Variants in MAD1L1 observed in about 807,000 individuals in gnomAD.
MAD1L1 encodes the protein mitotic arrest deficient 1 like 1.
A neutral mutation model predicts 96.9 loss-of-function variants in MAD1L1; 95 were observed. The observed-to-expected ratio is 0.98, with a 90% CI of 0.83 to 1.16. MAD1L1 has a LOEUF of 1.16. Ranked by LOEUF, MAD1L1 falls within the 50% of genes most tolerant of loss-of-function variation. The pLI is 0.00. For synonymous variants in MAD1L1, 473 were observed against 396.6 expected (o/e 1.19, Z -2.29); for missense variants, 1,007 against 954.4 (o/e 1.06, Z -0.73).
chr7:1,958,953 CA>C (rs948781614), intron 15 of MAD1L1, among the ~76,000 whole-genome samples: 4 of 152,234 alleles, frequency 2.6e-5, no homozygotes, highest in African/African-American at 4.8e-5. Flanking sequence ...TAGAAACTAT[CA>C]AAAACAAAAC....
intron 18 of MAD1L1, among the ~76,000 whole-genome samples, chr7:1,862,742 G>C (rs1029439372): frequency 2.0e-5 from 3 of 152,108 alleles, no homozygotes; most frequent in Admixed American, 2.0e-4. Flanking sequence ...CAGTGAAAAA[G>C]GAAGCTTTAC....
At chr7:2,168,812 G>A (rs776030131) in intron 10 of MAD1L1, among the ~76,000 whole-genome samples, 36 of 152,226 alleles carry the variant, frequency 2.4e-4, no homozygotes, top group African/African-American at 6.5e-4. Context: ...GCAGACACAC[G>A]GGGCGTGGGG....
rs1360167583 is a variant in MAD1L1, at chr7:2,049,918, T to C, written c.1218+19276A>G. On this transcript the variant is annotated intron_variant, in intron 12 of 18. Transcript: ENST00000265854. ...TTCACAGGGCACCTCACCCAACATC[T>C]GCGGACACCAGACCACACGTTCACA... 2.7e-5 allele frequency among the ~76,000 whole-genome samples: 4 copies of C among 147,676 alleles called. No homozygotes were observed. In the East Asian group the frequency reaches 8.0e-4, roughly 30 times the overall value.
intron 10 of MAD1L1, among the ~76,000 whole-genome samples, chr7:2,167,730 T>G (rs1159755405): frequency 6.9e-6 from 1 of 143,902 alleles, no homozygotes; most frequent in African/African-American, 2.6e-5. Context: ...TTAAAAAAAT[T>G]AAAAAAAAAA....
chr7:2,206,132 C>CA (rs1306209620), intron 10 of MAD1L1, among the ~76,000 whole-genome samples: 2 of 151,882 alleles, frequency 1.3e-5, no homozygotes, highest in African/African-American at 4.8e-5. Context: ...ATTCCATCTC[C>CA]AAAAAAATAA....
At chr7:2,101,695 C>A (rs1786788971) in intron 11 of MAD1L1, among the ~76,000 whole-genome samples, 1 of 152,214 alleles carries the variant, frequency 6.6e-6, no homozygotes, top group South Asian at 2.1e-4. Flanking sequence ...ACGCTTCTTC[C>A]CTCAACTTAC....
chr7:2,072,155 C>G (rs1368156869), intron 11 of MAD1L1, among the ~76,000 whole-genome samples: 1 of 152,224 alleles, frequency 6.6e-6, no homozygotes, highest in Non-Finnish European at 1.5e-5. Flanking sequence ...GGACTGAGCC[C>G]TCACCCAGGG....
chr7:2,190,481 T>A (rs961898908), intron 10 of MAD1L1, among the ~76,000 whole-genome samples: 1 of 152,012 alleles, frequency 6.6e-6, no homozygotes, highest in Admixed American at 6.6e-5. Context: ...CTTAGCAAAA[T>A]TAAAAGTTTT....
intron 18 of MAD1L1, among the ~76,000 whole-genome samples, chr7:1,855,466 G>A (rs949787238): frequency 6.6e-6 from 1 of 151,948 alleles, no homozygotes; most frequent in Non-Finnish European, 1.5e-5. Flanking sequence ...GCACCTCAAC[G>A]CCTGGCCTGG....
At chr7:2,054,022 T>C (rs1451867478) in intron 12 of MAD1L1, among the ~76,000 whole-genome samples, 4 of 152,242 alleles carry the variant, frequency 2.6e-5, no homozygotes, top group African/African-American at 9.6e-5. Flanking sequence ...GGGTCAGGGC[T>C]GCACCCGGGT....
intron 18 of MAD1L1, among the ~76,000 whole-genome samples, chr7:1,822,286 G>A (rs891655332): frequency 5.9e-5 from 9 of 151,906 alleles, no homozygotes; most frequent in African/African-American, 1.9e-4. Flanking sequence ...AGAAAGTTAG[G>A]AAATACTGAT....
At chr7:2,081,894 G>A (rs1473580917) in intron 11 of MAD1L1, among the ~76,000 whole-genome samples, 1 of 152,242 alleles carries the variant, frequency 6.6e-6, no homozygotes, top group Non-Finnish European at 1.5e-5. Flanking sequence ...CCCCTGGGGA[G>A]ACAGCAGGGC....
intron 17 of MAD1L1, among the ~76,000 whole-genome samples, chr7:1,913,610 G>T (rs1788161410): frequency 6.6e-6 from 1 of 152,136 alleles, no homozygotes; most frequent in Non-Finnish European, 1.5e-5. Context: ...CTCTAGAAGT[G>T]GCGGGGAGGG....
intron 14 of MAD1L1, among the ~76,000 whole-genome samples, chr7:1,981,256 T>A (rs1780890969): frequency 1.3e-5 from 2 of 152,154 alleles, no homozygotes. Flanking sequence ...CGTGAGCCGG[T>A]GTGCCCGGCC....
At chr7:1,982,648 C>T (rs112668361) in intron 14 of MAD1L1, among the ~76,000 whole-genome samples, 15 of 152,184 alleles carry the variant, frequency 9.9e-5, no homozygotes, top group Non-Finnish European at 1.8e-4. Context: ...CAAAGAGGGA[C>T]GATTTTCCAA....
At chr7:1,994,279 G>A (rs891530859) in intron 14 of MAD1L1, among the ~76,000 whole-genome samples, 8 of 152,250 alleles carry the variant, frequency 5.3e-5, no homozygotes, top group African/African-American at 1.4e-4. Flanking sequence ...TGCAGGCCCC[G>A]TGAAGGCAGG....
intron 18 of MAD1L1, among the ~76,000 whole-genome samples, chr7:1,818,981 C>T (rs1781980778): frequency 1.3e-5 from 2 of 152,106 alleles, no homozygotes; most frequent in African/African-American, 4.8e-5. Context: ...AGTCGACCTG[C>T]TGTGCAGCCC....
chr7:1,934,243 T>C (rs576289535), intron 17 of MAD1L1, among the ~76,000 whole-genome samples: 2 of 152,296 alleles, frequency 1.3e-5, no homozygotes, highest in Admixed American at 1.3e-4. Flanking sequence ...GACTTCTCCA[T>C]GGTCAGCTCA....
chr7:2,216,723 C>T (rs1444089354), intron 7 of MAD1L1, among the ~76,000 whole-genome samples: 2 of 152,120 alleles, frequency 1.3e-5, no homozygotes, highest in African/African-American at 4.8e-5. Context: ...AGGAGCTTTA[C>T]CTTCTGCTCA....
Sources: gnomAD v4.1 joint callset for allele counts (sites outside exome capture counted in the v4.1 genomes callset) on GRCh38, gnomAD v4.1.1 for gene constraint, MANE v1.5 for transcripts, NCBI Gene and HGNC (gene_info 2026-07-23, HGNC 2026-07-21) for gene names.